ARHGAP10: variants seen among roughly 807,000 people sequenced by gnomAD.
ARHGAP10 encodes Rho GTPase activating protein 10.
A neutral mutation model predicts 108.6 loss-of-function variants in ARHGAP10; 87 were observed. That is an observed-to-expected ratio of 0.80 (90% CI 0.67 to 0.96). The LOEUF (loss-of-function observed/expected upper bound fraction) is 0.96, where lower values mean the gene tolerates loss of function less well. Among genes scored for constraint, ARHGAP10 ranks in the 40% least tolerant of loss-of-function variants. The pLI, the probability that ARHGAP10 is intolerant of heterozygous loss-of-function variation, is 0.00. For missense variants in ARHGAP10, 939 were observed against 954.5 expected (o/e 0.98, Z 0.21); for synonymous variants, 347 against 341.1 (o/e 1.02, Z -0.19).
At chr4:147,752,797 G>T (rs1327545561) in intron 1 of ARHGAP10, among the ~76,000 whole-genome samples, 1 of 152,254 alleles carries the variant, frequency 6.6e-6, no homozygotes, top group African/African-American at 2.4e-5. Flanking sequence ...AAAGTGCCGG[G>T]ATTACAGGCG....
intron 18 of ARHGAP10, among the ~76,000 whole-genome samples, chr4:148,013,084 G>A (rs1741227146): frequency 6.6e-6 from 1 of 152,092 alleles, no homozygotes; most frequent in Non-Finnish European, 1.5e-5. Flanking sequence ...ATAAATTTTA[G>A]AAACAGTAAT....
rs140229042 is a variant in ARHGAP10, at chr4:147,998,766, C to A, written c.1717-24497C>A. On this transcript the variant is annotated intron_variant, in intron 18 of 22. Coordinates refer to ENST00000336498, the MANE Select transcript of ARHGAP10 (RefSeq NM_024605.4). ...GCATTTGAGAAAATTTACATTAATT[C>A]GTGATACCATACTTCAATGAAACAG... is the stretch of plus-strand genomic sequence containing the variant. Among the ~76,000 whole-genome samples the A allele has an allele frequency of 4.1e-3, 630 of 152,290 alleles. 6 individuals carry two copies. Among genetic ancestry groups the A allele is most frequent in the African/African-American group, 0.014 (588 of 41,564 alleles).
intron 1 of ARHGAP10, among the ~76,000 whole-genome samples, chr4:147,783,506 T>C (rs1730654563): frequency 6.8e-6 from 1 of 148,028 alleles, no homozygotes; most frequent in African/African-American, 2.4e-5. Flanking sequence ...TTATGTATTG[T>C]ATAATTTATA....
intron 21 of ARHGAP10, 92 bp from the exon 22 acceptor site, chr4:148,064,324 C>G (rs1729760238): frequency 9.9e-7 from 1 of 1,008,978 alleles, no homozygotes; most frequent in African/African-American, 1.6e-5. Context: ...CTGGTGACAT[C>G]AGTGAGATTT....
At position 147,770,842 on chromosome 4, in the gene ARHGAP10, A is replaced by G. The variant is rs148319788; in HGVS notation, c.154+38387A>G. On this transcript the variant is annotated intron_variant, in intron 1 of 22. Transcript: ENST00000336498. The stretch of plus-strand genomic sequence containing the variant: ...GTACCACAGACTGGGCAGCTTAAAT[A>G]GCAGTCTTATTTTCTAGTAATTCTG... 6.6e-3 allele frequency among the ~76,000 whole-genome samples: 1,011 copies of G among 152,332 alleles called. 5 individuals carry two copies. The highest frequency in any genetic ancestry group is 0.011 in the Non-Finnish European group (718 of 68,028).
At chr4:147,968,235 T>C (rs1171076281) in intron 18 of ARHGAP10, among the ~76,000 whole-genome samples, 3 of 152,202 alleles carry the variant, frequency 2.0e-5, no homozygotes, top group Non-Finnish European at 4.4e-5. Flanking sequence ...AGGACCACCT[T>C]GAGGGCCTGC....
intron 19 of ARHGAP10, among the ~76,000 whole-genome samples, chr4:148,037,230 C>A (rs1268886331): frequency 2.0e-5 from 3 of 152,166 alleles, no homozygotes; most frequent in African/African-American, 7.2e-5. Context: ...ATGCTCCTTT[C>A]CTCAGAATTG....
At position 147,732,294 on chromosome 4, in the gene ARHGAP10, C is replaced by T. The variant is rs372030564; in HGVS notation, c.-8C>T. On this transcript the variant is annotated 5_prime_UTR_variant, in exon 1 of 23. Coordinates refer to ENST00000336498, the MANE Select transcript of ARHGAP10 (RefSeq NM_024605.4). The stretch of plus-strand genomic sequence containing the variant: ...GGCCGTGCGCACCGCGCAGCGACCG[C>T]TGCCGTCATGGGGCTGCAGCCCCTG... 1.9e-6 allele frequency: 3 copies of T among 1,603,690 alleles called. No homozygotes were observed. The highest frequency in any genetic ancestry group is 2.3e-5 in the East Asian group (1 of 44,112).
chr4:147,998,941 A>T (rs1341913014), intron 18 of ARHGAP10, among the ~76,000 whole-genome samples: 1 of 152,196 alleles, frequency 6.6e-6, no homozygotes, highest in East Asian at 1.9e-4. Context: ...ACAAGAAGAG[A>T]GAAGAGAGGG....
intron 7 of ARHGAP10, among the ~76,000 whole-genome samples, chr4:147,869,443 A>G (rs1734709456): frequency 6.6e-6 from 1 of 152,230 alleles, no homozygotes; most frequent in Non-Finnish European, 1.5e-5. Context: ...TGGAAATCTT[A>G]TGAGCAAACC....
At chr4:147,894,700 T>C (rs1735918880) in intron 10 of ARHGAP10, among the ~76,000 whole-genome samples, 1 of 152,226 alleles carries the variant, frequency 6.6e-6, no homozygotes, top group African/African-American at 2.4e-5. Context: ...TTGGGGTATA[T>C]ATGGTGTGAG....
chr4:147,924,603 G>A (rs1351871280), intron 13 of ARHGAP10, among the ~76,000 whole-genome samples: 2 of 152,190 alleles, frequency 1.3e-5, no homozygotes, highest in Non-Finnish European at 2.9e-5. Flanking sequence ...TTGCTACAGA[G>A]TAGGCATGCT....
At chr4:147,865,391 C>T (rs567817573) in intron 6 of ARHGAP10, 10 of 153,292 alleles carry the variant, frequency 6.5e-5, no homozygotes, top group Admixed American at 6.5e-4. Context: ...AGTTTAGAAG[C>T]AGGATATGGA....
intron 1 of ARHGAP10, among the ~76,000 whole-genome samples, chr4:147,739,334 A>G (rs1728557974): frequency 6.6e-6 from 1 of 152,216 alleles, no homozygotes; most frequent in Non-Finnish European, 1.5e-5. Flanking sequence ...AAAACTAGTA[A>G]GCAATCTATA....
intron 1 of ARHGAP10, among the ~76,000 whole-genome samples, chr4:147,778,919 AT>A (rs1730417470): frequency 1.3e-5 from 2 of 152,234 alleles, no homozygotes; most frequent in African/African-American, 4.8e-5. Context: ...GGTAGATAGG[AT>A]TTAGGTAGGT....
intron 3 of ARHGAP10, among the ~76,000 whole-genome samples, chr4:147,836,772 T>C (rs1733186234): frequency 6.6e-6 from 1 of 152,188 alleles, no homozygotes; most frequent in Non-Finnish European, 1.5e-5. Flanking sequence ...TGAGCTGTGC[T>C]TGAAAATAAA....
At chr4:147,895,166 T>C (rs1319135019) in intron 10 of ARHGAP10, among the ~76,000 whole-genome samples, 1 of 152,178 alleles carries the variant, frequency 6.6e-6, no homozygotes, top group Non-Finnish European at 1.5e-5. Context: ...ATGGGCATTT[T>C]TTTTTTGGTG....
chr4:147,940,093 A>G (rs1212861863), intron 14 of ARHGAP10, among the ~76,000 whole-genome samples, 194 bp downstream of exon 14: 2 of 152,180 alleles, frequency 1.3e-5, no homozygotes, highest in Non-Finnish European at 2.9e-5. Context: ...ATTGTCTATT[A>G]CCTCTTATTA....
intron 1 of ARHGAP10, among the ~76,000 whole-genome samples, chr4:147,758,740 A>C (rs1394784257): frequency 6.6e-6 from 1 of 151,624 alleles, no homozygotes; most frequent in Non-Finnish European, 1.5e-5. Flanking sequence ...GCACTTTGGG[A>C]GGCCGAGGCA....
Sources: allele counts gnomAD v4.1 joint callset (sites outside exome capture counted in the v4.1 genomes callset), GRCh38; gene constraint gnomAD v4.1.1; transcripts MANE v1.5; gene names NCBI Gene and HGNC (gene_info 2026-07-23, HGNC 2026-07-21).